Variants in NKAIN2 observed in about 807,000 individuals in gnomAD.
The protein encoded by NKAIN2 is sodium/potassium transporting ATPase interacting 2.
A neutral mutation model predicts 32.6 loss-of-function variants in NKAIN2; 14 were observed. The ratio of observed to expected loss-of-function variants is 0.43; its 90% confidence interval spans 0.28 to 0.67. The LOEUF (loss-of-function observed/expected upper bound fraction) is 0.67, where lower values mean the gene tolerates loss of function less well. NKAIN2 is among the 30% of genes least tolerant of loss of function. NKAIN2 has a pLI of 0.17. For synonymous variants in NKAIN2, 80 were observed against 87.2 expected, an observed-to-expected ratio of 0.92 and a Z score of 0.46; for missense variants, 198 against 258.3, an observed-to-expected ratio of 0.77 and a Z score of 1.60.
At chr6:124,176,148 T>G (rs896849075) in intron 1 of NKAIN2, among the ~76,000 whole-genome samples, 187 of 152,284 alleles carry the variant, frequency 1.2e-3, no homozygotes, top group African/African-American at 4.3e-3. Flanking sequence ...TGCAATAGCA[T>G]TATGTCTAAA....
intron 1 of NKAIN2, among the ~76,000 whole-genome samples, chr6:124,106,498 C>G (rs1562361413): frequency 6.6e-6 from 1 of 152,128 alleles, no homozygotes; most frequent in Non-Finnish European, 1.5e-5. Context: ...TCGATAAATG[C>G]TTTGACTTTG....
rs373243493 is a variant in NKAIN2 at position 124,048,210 on chromosome 6, T to C, written c.55-234795T>C. 9.1e-4 allele frequency among the ~76,000 whole-genome samples: 138 copies of C among 152,068 alleles called. 2 individuals are homozygous for C. The South Asian group carries it at 0.027, about 29-fold the overall frequency. On this transcript the variant is annotated intron_variant, in intron 1 of 6. Coordinates refer to ENST00000368417, the MANE Select transcript of NKAIN2 (RefSeq NM_001040214.3). ...TCCTGAAGAGGGATATATCCCAAGA[T>C]ATGCAAATAATATTAAGCTACACTC...
At chr6:124,308,404 A>G (rs1424613944) in intron 2 of NKAIN2, among the ~76,000 whole-genome samples, 2 of 152,182 alleles carry the variant, frequency 1.3e-5, no homozygotes, top group Non-Finnish European at 2.9e-5. Context: ...CTGAAGAACA[A>G]TATTATTTAT....
intron 1 of NKAIN2, among the ~76,000 whole-genome samples, chr6:123,916,144 A>T (rs1775482086): frequency 6.6e-6 from 1 of 152,186 alleles, no homozygotes; most frequent in Non-Finnish European, 1.5e-5. Flanking sequence ...GACAAAGATA[A>T]GTTAATCTAG....
chr6:123,817,878 G>A (rs1206681477), intron 1 of NKAIN2, among the ~76,000 whole-genome samples: 1 of 152,116 alleles, frequency 6.6e-6, no homozygotes, highest in Non-Finnish European at 1.5e-5. Flanking sequence ...AGTATTGACT[G>A]GAGAGGCAAT....
intron 2 of NKAIN2, among the ~76,000 whole-genome samples, chr6:124,304,967 T>A (rs1351899620): frequency 6.6e-6 from 1 of 152,056 alleles, no homozygotes; most frequent in African/African-American, 2.4e-5. Flanking sequence ...TAACACAACT[T>A]ACATAATGTC....
At chr6:124,559,298 AG>A (rs1388984423) in intron 3 of NKAIN2, among the ~76,000 whole-genome samples, 1 of 152,180 alleles carries the variant, frequency 6.6e-6, no homozygotes, top group East Asian at 1.9e-4. Context: ...AATAAGTGAG[AG>A]GAATGGAGAC....
chr6:124,400,357 C>T (rs1228292256), intron 3 of NKAIN2, among the ~76,000 whole-genome samples: 1 of 151,886 alleles, frequency 6.6e-6, no homozygotes, highest in Non-Finnish European at 1.5e-5. Flanking sequence ...CAGAAAACCA[C>T]GTTTTTCATA....
At chr6:124,653,337 C>T (rs754946218) in intron 3 of NKAIN2, among the ~76,000 whole-genome samples, 1 of 150,788 alleles carries the variant, frequency 6.6e-6, no homozygotes, top group African/African-American at 2.4e-5. Flanking sequence ...CCTAGAAGTC[C>T]ACCCACACAA....
intron 4 of NKAIN2, among the ~76,000 whole-genome samples, chr6:124,679,510 A>G (rs1348242932): frequency 2.0e-5 from 3 of 152,128 alleles, no homozygotes; most frequent in Non-Finnish European, 4.4e-5. Context: ...ACTGTGATGA[A>G]TGAGTGCCAT....
intron 3 of NKAIN2, among the ~76,000 whole-genome samples, chr6:124,441,644 T>C (rs913220523): frequency 2.0e-5 from 3 of 152,062 alleles, no homozygotes; most frequent in African/African-American, 7.2e-5. Context: ...GCAAGTACAC[T>C]TTCAGATGAT....
At position 123,892,415 on chromosome 6, in the gene NKAIN2, G is replaced by A. The variant is rs1212652688; in HGVS notation, c.54+88161G>A. 4.6e-5 allele frequency among the ~76,000 whole-genome samples: 7 copies of A among 152,042 alleles called. No individual in the cohort carries two copies. The South Asian group carries it at 1.5e-3, about 32-fold the overall frequency. On this transcript the variant is annotated intron_variant, in intron 1 of 6. Coordinates refer to ENST00000368417, the MANE Select transcript of NKAIN2 (RefSeq NM_001040214.3). ...GTGGAAGGCACCTCTTCACAGGGCG[G>A]CAGGAGAGAGAATGAGTGCAAGCAG...
At chr6:124,789,519 C>T (rs1779649768) in intron 4 of NKAIN2, among the ~76,000 whole-genome samples, 1 of 151,952 alleles carries the variant, frequency 6.6e-6, no homozygotes, top group Non-Finnish European at 1.5e-5. Context: ...CACTGGCTCA[C>T]TCCATAAAAA....
chr6:124,359,740 T>C (rs1215344028), intron 3 of NKAIN2, among the ~76,000 whole-genome samples: 1 of 152,196 alleles, frequency 6.6e-6, no homozygotes, highest in Non-Finnish European at 1.5e-5. Context: ...TGACTTCCTC[T>C]TTTCCTAATT....
intron 3 of NKAIN2, among the ~76,000 whole-genome samples, chr6:124,385,124 C>T (rs915831661): frequency 6.6e-6 from 1 of 152,062 alleles, no homozygotes; most frequent in Non-Finnish European, 1.5e-5. Context: ...AAAAGTCTCG[C>T]CAAGTTAAGT....
intron 3 of NKAIN2, among the ~76,000 whole-genome samples, chr6:124,598,629 A>T (rs536625470): frequency 1.2e-4 from 18 of 150,662 alleles, no homozygotes; most frequent in Non-Finnish European, 2.2e-4. Context: ...GCCACCGAGG[A>T]GGGCCCTGGA....
chr6:123,907,278 T>C (rs569397010), intron 1 of NKAIN2, among the ~76,000 whole-genome samples: 1 of 152,286 alleles, frequency 6.6e-6, no homozygotes, highest in South Asian at 2.1e-4. Flanking sequence ...CTATATATTT[T>C]TTCAGATAAA....
chr6:123,964,572 G>A lies in NKAIN2; in HGVS notation c.54+160318G>A, dbSNP rs1777993128. Among the ~76,000 whole-genome samples the A allele has an allele frequency of 6.6e-6, 1 of 152,114 alleles. No individual in the cohort carries two copies. Among genetic ancestry groups the A allele is most frequent in the African/African-American group, 2.4e-5 (1 of 41,414 alleles). Reference sequence around the variant, plus strand: ...CCTCATTTTCCTACAGAAAGGACTTGGGGATATAGAAAGGGCGTATGTAAG... The same window carrying A: ...CCTCATTTTCCTACAGAAAGGACTTAGGGATATAGAAAGGGCGTATGTAAG... On this transcript the variant is annotated intron_variant, in intron 1 of 6. Coordinates refer to ENST00000368417, the MANE Select transcript of NKAIN2 (RefSeq NM_001040214.3). The surrounding 1 kb of genome is among the most constrained non-coding windows in gnomAD (Gnocchi z 4.0).
At chr6:124,135,410 T>G (rs1466440690) in intron 1 of NKAIN2, among the ~76,000 whole-genome samples, 3 of 149,336 alleles carry the variant, frequency 2.0e-5, no homozygotes, top group African/African-American at 7.4e-5. Flanking sequence ...TCACATAAAC[T>G]TAAGGTAAAG....
Sources: allele counts gnomAD v4.1 joint callset (sites outside exome capture counted in the v4.1 genomes callset), GRCh38; gene constraint gnomAD v4.1.1; non-coding constraint Gnocchi (gnomAD v3.1); transcripts MANE v1.5; gene names NCBI Gene and HGNC (gene_info 2026-07-23, HGNC 2026-07-21).